The following PUM1 variants were observed in gnomAD, a reference collection of about 807,000 sequenced individuals.
PUM1 encodes the protein pumilio homolog 1.
A neutral mutation model predicts 131.8 loss-of-function variants in PUM1; 13 were observed. The ratio of observed to expected loss-of-function variants is 0.10; its 90% CI spans 0.06 to 0.16. PUM1 has a LOEUF of 0.16. Among genes scored for constraint, PUM1 ranks in the 10% least tolerant of loss-of-function variants. The probability of loss-of-function intolerance (pLI) is 1.00; values close to 1 mark genes in which losing one functional copy is unlikely to be tolerated. For missense variants in PUM1, 961 were observed against 1,512.4 expected (o/e 0.64, Z 6.05); for synonymous variants, 509 against 556.5 (o/e 0.91, Z 1.20).
chr1:30,988,469 A>C (rs1641651940), intron 7 of PUM1, among the ~76,000 whole-genome samples: 1 of 152,226 alleles, frequency 6.6e-6, no homozygotes, highest in Admixed American at 6.5e-5. Context: ...CCAGATTCCT[A>C]TTCTAAAAAA....
chr1:31,058,839 G>A (rs1570374652), intron 2 of PUM1, among the ~76,000 whole-genome samples: 1 of 151,656 alleles, frequency 6.6e-6, no homozygotes, highest in Non-Finnish European at 1.5e-5. Context: ...GCGTGGTGGT[G>A]CACACCTGTA....
intron 18 of PUM1, among the ~76,000 whole-genome samples, chr1:30,944,091 C>A (rs1370216166): frequency 6.6e-6 from 1 of 151,786 alleles, no homozygotes; most frequent in Non-Finnish European, 1.5e-5. Flanking sequence ...AATGTAACAT[C>A]TTAATGTTAA....
At chr1:31,055,265 C>G (rs918751686) in intron 2 of PUM1, 14 of 449,248 alleles carry the variant, frequency 3.1e-5, no homozygotes, top group African/African-American at 2.2e-4. Context: ...TACCTGTTGC[C>G]ATGTGTTTCC....
chr1:31,030,352 CT>C (rs1207285970), intron 2 of PUM1, among the ~76,000 whole-genome samples: 2 of 152,086 alleles, frequency 1.3e-5, no homozygotes, highest in African/African-American at 4.8e-5. Context: ...ATTTCTACCA[CT>C]GGATAAACGT....
chr1:31,009,782 A>AACAAAAAC (rs1553150214), intron 3 of PUM1, among the ~76,000 whole-genome samples: 2,740 of 125,326 alleles, frequency 0.022, 88 homozygotes, highest in African/African-American at 0.069. Context: ...AAAAAAAAAA[A>AACAAAAAC]AAAAACAAAA....
intron 14 of PUM1, among the ~76,000 whole-genome samples, chr1:30,960,982 GA>G (rs56656047): frequency 0.29 from 42,737 of 146,000 alleles, 6,515 homozygotes; most frequent in Non-Finnish European, 0.34. Flanking sequence ...TTTTAAAAAT[GA>G]AAAAAAAAAG....
intron 14 of PUM1, among the ~76,000 whole-genome samples, chr1:30,964,386 G>C (rs1640539135): frequency 6.6e-6 from 1 of 152,102 alleles, no homozygotes; most frequent in African/African-American, 2.4e-5. Flanking sequence ...ATGAACCTGT[G>C]TTTATATTGT....
chr1:30,970,570 T>C (rs1476788546), intron 10 of PUM1, among the ~76,000 whole-genome samples: 1 of 152,180 alleles, frequency 6.6e-6, no homozygotes, highest in Non-Finnish European at 1.5e-5. Flanking sequence ...TAAGAGAAAG[T>C]GTGTTTCAAA....
chr1:31,045,143 CTTT>C (rs796248289), intron 2 of PUM1, among the ~76,000 whole-genome samples: 1 of 139,082 alleles, frequency 7.2e-6, no homozygotes, highest in Admixed American at 7.3e-5. Context: ...TGTAAAGCTG[CTTT>C]TTTTTTTTTT....
chr1:31,005,445 T>C (rs1381470814), intron 5 of PUM1, among the ~76,000 whole-genome samples: 2 of 152,210 alleles, frequency 1.3e-5, no homozygotes, highest in African/African-American at 4.8e-5. Flanking sequence ...TTCTCGGGTA[T>C]TGGCAAATCA....
Position 30,936,628 on chromosome 1 carries a change from C to T in PUM1, c.3435+15G>A. On this transcript the variant is annotated intron_variant, in intron 21 of 21. Coordinates refer to ENST00000426105, the MANE Select transcript of PUM1 (RefSeq NM_001020658.2). ...CTTGCACACTTTCTCTGAGACCCTG[C>T]CCAGCCCGGCCTACCTTATGCATGA... 6.2e-7 allele frequency: 1 copy of T among 1,606,632 alleles called. No individual in the cohort carries two copies. The highest frequency in any genetic ancestry group is 8.5e-7 in the Non-Finnish European group (1 of 1,175,674).
At chr1:31,000,541 A>C (rs890630977) in intron 5 of PUM1, among the ~76,000 whole-genome samples, 5 of 152,226 alleles carry the variant, frequency 3.3e-5, no homozygotes, top group African/African-American at 1.2e-4. Context: ...CAACTTCCTC[A>C]AAAGACTCAC....
chr1:30,945,364 G>A lies in PUM1; in HGVS notation c.2976C>T (p.Ile992=), dbSNP rs749674497. 12 of 1,614,060 alleles carry A rather than the reference G, an allele frequency of 7.4e-6. No individual in the cohort carries two copies. The highest frequency in any genetic ancestry group is 1.3e-5 in the African/African-American group (1 of 75,012). The change falls in exon 18 of 22, where the codon ATC becomes ATT. Residue 992 remains isoleucine, a synonymous_variant. Transcript: ENST00000426105. ...CVQPQSLQFI[I]DAFKGQVFAL... Reference sequence around the variant, plus strand: ...CACTTACCTGTCCCTTAAACGCATCGATGATAAATTGCAAAGACTGGGGCT... The same window carrying A: ...CACTTACCTGTCCCTTAAACGCATCAATGATAAATTGCAAAGACTGGGGCT...
intron 3 of PUM1, among the ~76,000 whole-genome samples, chr1:31,013,984 A>G (rs760028603): frequency 6.6e-6 from 1 of 152,164 alleles, no homozygotes; most frequent in Non-Finnish European, 1.5e-5. Flanking sequence ...ATTCTTTTGG[A>G]AGGGCCTCAG....
intron 7 of PUM1, 56 bp from the exon 8 acceptor site, chr1:30,981,461 T>G: frequency 8.6e-7 from 1 of 1,161,224 alleles, no homozygotes; most frequent in South Asian, 1.5e-5. Context: ...CAAAATCATT[T>G]AAAAACCTCT....
chr1:30,987,821 T>C (rs1252524391), intron 7 of PUM1, among the ~76,000 whole-genome samples: 1 of 152,218 alleles, frequency 6.6e-6, no homozygotes, highest in East Asian at 1.9e-4. Context: ...TGTTCTTCAA[T>C]TATGATTGTA....
In PUM1 at chr1:31,063,501, A is replaced by G. The variant is rs78219521; in HGVS notation, c.-12+2115T>C. Among the ~76,000 whole-genome samples, 1,290 of 152,296 alleles carry G rather than the reference A, an allele frequency of 8.5e-3. 7 individuals are homozygous for G. The highest frequency in any genetic ancestry group is 0.031 in the Middle Eastern group (9 of 294). On this transcript the variant is annotated intron_variant, in intron 1 of 21. Coordinates refer to ENST00000426105, the MANE Select transcript of PUM1 (RefSeq NM_001020658.2). ...GCTGAGAGAAGGATAATGAGAGATT[A>G]CCTAAGGAGGACAATGTACGTTATT...
At chr1:30,939,949 C>T (rs1639374784) in intron 20 of PUM1, among the ~76,000 whole-genome samples, 1 of 152,098 alleles carries the variant, frequency 6.6e-6, no homozygotes, top group South Asian at 2.1e-4. Context: ...AAATTAAATA[C>T]TGTGAACAAA....
At chr1:31,020,237 A>G (rs1305402572) in intron 3 of PUM1, among the ~76,000 whole-genome samples, 1 of 152,190 alleles carries the variant, frequency 6.6e-6, no homozygotes, top group Non-Finnish European at 1.5e-5. Context: ...GCTGCAAAGG[A>G]CATAATTTCA....
Sources: gnomAD v4.1 joint callset for allele counts (sites outside exome capture counted in the v4.1 genomes callset) on GRCh38, gnomAD v4.1.1 for gene constraint, MANE v1.5 for transcripts, NCBI Gene and HGNC (gene_info 2026-07-23, HGNC 2026-07-21) for gene names.